GARIN1B: variants seen among roughly 807,000 people sequenced by gnomAD.
GARIN1B encodes the protein Golgi-associated RAB2 interactor protein 1B.
the GARIN1B span, chr7:128,715,764 C>A: frequency 1.5e-6 from 2 of 1,320,648 alleles, no homozygotes; most frequent in Non-Finnish European, 1.1e-6. Flanking sequence ...TGAGAGAGTC[C>A]ATCCCTGAAA....
At chr7:128,715,706 G>A in the GARIN1B span, 22 of 1,590,648 alleles carry the variant, frequency 1.4e-5, no homozygotes, top group Admixed American at 1.3e-4. Flanking sequence ...CTTGGGTGGC[G>A]CAGAATAGCA....
the GARIN1B span, chr7:128,724,694 A>G: frequency 7.8e-7 from 1 of 1,285,356 alleles, no homozygotes; most frequent in South Asian, 1.2e-5. Flanking sequence ...TAGAAAGGAG[A>G]GAACAGAAAT....
At chr7:128,723,620 C>T in the GARIN1B span, among the ~76,000 whole-genome samples, 2 of 151,262 alleles carry the variant, frequency 1.3e-5, no homozygotes, top group Non-Finnish European at 2.9e-5. Flanking sequence ...AGCGATTCTC[C>T]CGCCTCAGCC....
At chr7:128,713,920 T>C in the GARIN1B span, 3,677 of 1,402,096 alleles carry the variant, frequency 2.6e-3, 90 homozygotes, top group African/African-American at 0.047. Flanking sequence ...GTTCCCTTTC[T>C]AGGTTATTTC....
chr7:128,723,309 A>G, the GARIN1B span: 1 of 1,612,088 alleles, frequency 6.2e-7, no homozygotes, highest in Admixed American at 1.7e-5. Flanking sequence ...CACCAGCAGA[A>G]CCAGTTGAGG....
chr7:128,728,429 G>A, the GARIN1B span, among the ~76,000 whole-genome samples: 47 of 111,364 alleles, frequency 4.2e-4, no homozygotes, highest in African/African-American at 1.5e-3. Flanking sequence ...GTGACAGAGC[G>A]AGACTCAGAC....
At chr7:128,717,616 T>C in the GARIN1B span, among the ~76,000 whole-genome samples, 2 of 151,754 alleles carry the variant, frequency 1.3e-5, no homozygotes, top group African/African-American at 4.8e-5. Context: ...CTGGATAATT[T>C]TTGTATTTTT....
the GARIN1B span, among the ~76,000 whole-genome samples, chr7:128,709,746 C>CT: frequency 3.9e-5 from 1 of 25,796 alleles, no homozygotes; most frequent in Non-Finnish European, 8.8e-5. Flanking sequence ...CTCTCTCTCT[C>CT]TCTCTTTTTT....
At chr7:128,712,118 A>G in the GARIN1B span, among the ~76,000 whole-genome samples, 3 of 152,198 alleles carry the variant, frequency 2.0e-5, no homozygotes, top group African/African-American at 7.2e-5. Context: ...CTTATGCAAT[A>G]ATAAAGTGTT....
the GARIN1B span, among the ~76,000 whole-genome samples, chr7:128,729,670 T>C: frequency 5.3e-5 from 8 of 152,254 alleles, no homozygotes; most frequent in African/African-American, 1.9e-4. Flanking sequence ...ACGTGGACTC[T>C]GGAGCCAGGC....
chr7:128,723,553 CTTT>C, the GARIN1B span: 103 of 161,026 alleles, frequency 6.4e-4, no homozygotes, highest in Middle Eastern at 2.7e-3. Context: ...ACTATCCAGT[CTTT>C]TTTTTTTTTT....
At chr7:128,717,428 T>G in the GARIN1B span, among the ~76,000 whole-genome samples, 24 of 147,140 alleles carry the variant, frequency 1.6e-4, no homozygotes, top group Admixed American at 2.1e-4. Flanking sequence ...CTTTGTCTTT[T>G]TCTTTTTCTT....
chr7:128,715,200 T>C, the GARIN1B span: 2 of 973,174 alleles, frequency 2.1e-6, no homozygotes. Flanking sequence ...GACTATGTCC[T>C]GGGGTTCCGA....
the GARIN1B span, chr7:128,730,961 G>A: frequency 2.2e-5 from 18 of 802,792 alleles, no homozygotes; most frequent in Non-Finnish European, 3.8e-5. Flanking sequence ...ACTGGGCCCG[G>A]CCACCACCAA....
At chr7:128,724,525 C>T in the GARIN1B span, among the ~76,000 whole-genome samples, 3 of 152,034 alleles carry the variant, frequency 2.0e-5, no homozygotes, top group African/African-American at 4.8e-5. Context: ...GAGGAAATGT[C>T]GCTGTATGTA....
chr7:128,727,085 A>G, the GARIN1B span, among the ~76,000 whole-genome samples: 1 of 152,106 alleles, frequency 6.6e-6, no homozygotes. Context: ...TGTATCTTGT[A>G]TTCTTTACTT....
the GARIN1B span, among the ~76,000 whole-genome samples, chr7:128,724,587 C>T: frequency 1.3e-5 from 2 of 152,158 alleles, no homozygotes; most frequent in South Asian, 2.1e-4. Flanking sequence ...TTAAAAGAGA[C>T]AGGAGTTGAG....
the GARIN1B span, among the ~76,000 whole-genome samples, chr7:128,727,414 A>T: frequency 6.6e-6 from 1 of 152,220 alleles, no homozygotes; most frequent in Non-Finnish European, 1.5e-5. Flanking sequence ...CCTGGGAGGC[A>T]TGGTTTCTGA....
the GARIN1B span, chr7:128,716,890 C>T: frequency 1.1e-5 from 18 of 1,613,966 alleles, no homozygotes; most frequent in Admixed American, 1.7e-5. Flanking sequence ...CCTCGGTACC[C>T]TGCCTGCCCC....
Sources: gnomAD v4.1 joint callset for allele counts (sites outside exome capture counted in the v4.1 genomes callset) on GRCh38, gnomAD v4.1.1 for gene constraint, MANE v1.5 for transcripts, NCBI Gene and HGNC (gene_info 2026-07-23, HGNC 2026-07-21) for gene names.